Variants in KTN1 observed in about 807,000 individuals in gnomAD.
KTN1 encodes the protein kinectin 1.
In KTN1, 130 loss-of-function variants were observed where a neutral mutation model predicts 222.5. That is an observed-to-expected ratio of 0.58 (90% CI 0.51 to 0.68). The LOEUF is 0.68. Among genes scored for constraint, KTN1 ranks in the 30% least tolerant of loss-of-function variants. KTN1 has a pLI of 0.00. For synonymous variants in KTN1, 512 were observed against 496.3 expected, an observed-to-expected ratio of 1.03 and a Z score of -0.42; for missense variants, 1,508 against 1,500.4, an observed-to-expected ratio of 1.01 and a Z score of -0.08.
chr14:55,587,104 C>CTG (rs36024432), intron 1 of KTN1, among the ~76,000 whole-genome samples: 38,906 of 151,924 alleles, frequency 0.26, 5,101 homozygotes, highest in East Asian at 0.38. Flanking sequence ...GAGGCAGGGA[C>CTG]TGTCTTGTTC....
chr14:55,595,491 G>A lies in KTN1; in HGVS notation c.-31+15137G>A, dbSNP rs181690039. On this transcript the variant is annotated intron_variant, in intron 1 of 43. Coordinates refer to ENST00000395314, the MANE Select transcript of KTN1 (RefSeq NM_001079521.2). The stretch of plus-strand genomic sequence containing the variant: ...TAACACAGGATAATACAAATCTTAC[G>A]TTCTGAAACCTTTAATTGGTTTGCC... 3.0e-3 allele frequency among the ~76,000 whole-genome samples: 461 copies of A among 152,168 alleles called. 4 individuals are homozygous for A. Among genetic ancestry groups the A allele is most frequent in the Middle Eastern group, 0.014 (4 of 294 alleles).
At chr14:55,632,017 T>TC (rs2040591203) in intron 7 of KTN1, among the ~76,000 whole-genome samples, 1 of 152,200 alleles carries the variant, frequency 6.6e-6, no homozygotes, top group African/African-American at 2.4e-5. Flanking sequence ...CCCAGTGTTT[T>TC]CCTCTGAAAT....
At chr14:55,608,787 G>A (rs1465176471) in intron 1 of KTN1, among the ~76,000 whole-genome samples, 5 of 151,764 alleles carry the variant, frequency 3.3e-5, no homozygotes, top group South Asian at 2.1e-4. Context: ...GTACCACCAC[G>A]CCCGGCTGAT....
intron 1 of KTN1, among the ~76,000 whole-genome samples, chr14:55,597,601 C>T (rs971406625): frequency 2.0e-5 from 3 of 152,154 alleles, no homozygotes; most frequent in Non-Finnish European, 4.4e-5. Context: ...TACCTGTAAT[C>T]CCAGCACTTT....
intron 20 of KTN1, 101 bp downstream of exon 20, chr14:55,648,216 A>G (rs1366439525): frequency 1.9e-6 from 1 of 524,544 alleles, no homozygotes; most frequent in African/African-American, 2.1e-5. Context: ...CTTAAACTTA[A>G]TAGTACCTCT....
chr14:55,625,941 AT>A (rs1195626134), intron 5 of KTN1, among the ~76,000 whole-genome samples: 1 of 151,730 alleles, frequency 6.6e-6, no homozygotes, highest in Non-Finnish European at 1.5e-5. Context: ...TATTTACTGG[AT>A]TTTTTTCAGT....
intron 21 of KTN1, among the ~76,000 whole-genome samples, chr14:55,649,207 A>G (rs376959150): frequency 1.3e-5 from 2 of 152,350 alleles, no homozygotes; most frequent in East Asian, 1.9e-4. Flanking sequence ...AATTATAGGC[A>G]TGAGGCACTG....
chr14:55,662,749 G>A (rs138346568), intron 32 of KTN1, among the ~76,000 whole-genome samples: 1 of 152,146 alleles, frequency 6.6e-6, no homozygotes, highest in Non-Finnish European at 1.5e-5. Flanking sequence ...ACATTTTCTT[G>A]TACCCCTGAG....
At chr14:55,596,655 A>G (rs1442473746) in intron 1 of KTN1, among the ~76,000 whole-genome samples, 1 of 152,230 alleles carries the variant, frequency 6.6e-6, no homozygotes, top group East Asian at 1.9e-4. Flanking sequence ...CATAATTGAC[A>G]TACTTAAACC....
At chr14:55,607,459 TAGTG>T (rs1219769639) in intron 1 of KTN1, 1 of 152,160 alleles carries the variant, frequency 6.6e-6, no homozygotes, top group Admixed American at 6.6e-5. Context: ...ATGTAAAACT[TAGTG>T]AGTGTGGATA....
At chr14:55,631,515 C>T (rs1254817998) in intron 7 of KTN1, among the ~76,000 whole-genome samples, 2 of 151,874 alleles carry the variant, frequency 1.3e-5, no homozygotes, top group Admixed American at 6.6e-5. Flanking sequence ...ATTTCTATGG[C>T]TAGGTGCCGT....
intron 6 of KTN1, among the ~76,000 whole-genome samples, chr14:55,629,531 A>G (rs1034323038): frequency 4.7e-5 from 7 of 150,466 alleles, no homozygotes; most frequent in Non-Finnish European, 8.9e-5. Context: ...TCTTATCCCT[A>G]TTTTTTTCCC....
intron 7 of KTN1, among the ~76,000 whole-genome samples, chr14:55,632,889 A>G (rs2040696100): frequency 6.6e-6 from 1 of 152,194 alleles, no homozygotes. Context: ...TAATTGACAT[A>G]AGATCAGGAC....
At chr14:55,633,957 G>A (rs923459240) in intron 8 of KTN1, among the ~76,000 whole-genome samples, 4 of 152,090 alleles carry the variant, frequency 2.6e-5, no homozygotes, top group South Asian at 2.1e-4. Context: ...TGGCCAACGT[G>A]GTGAAACCCC....
chr14:55,630,076 G>T lies in KTN1; in HGVS notation c.1200G>T (p.Glu400Asp). 1 of 1,610,936 alleles carries T rather than the reference G, an allele frequency of 6.2e-7. No individual in the cohort carries two copies. Among genetic ancestry groups the T allele is most frequent in the Non-Finnish European group, 8.5e-7 (1 of 1,177,842 alleles). ...FQNKIHVSYQ[E>D]TQQMQMKFQQ... Reference sequence around the variant, plus strand: ...ACAAAATACATGTCAGTTATCAAGAGACTCAACAGATGCAGATGAAGGTAT... The same window carrying T: ...ACAAAATACATGTCAGTTATCAAGATACTCAACAGATGCAGATGAAGGTAT... Residue 400 changes from glutamate to aspartate, a missense_variant, in exon 7 of 44, where the codon GAG becomes GAT. Physicochemically the swap from Glu to Asp is conservative, Grantham distance 45 (BLOSUM62 2). Coordinates refer to ENST00000395314, the MANE Select transcript of KTN1 (RefSeq NM_001079521.2).
rs761303585 is a variant in KTN1 at position 55,650,615 on chromosome 14, T to G, written c.2543T>G (p.Val848Gly). The G allele has an allele frequency of 7.4e-6, 12 of 1,612,210 alleles. No homozygotes were observed. In the African/African-American group the frequency reaches 1.6e-4, roughly 22 times the overall value. ...GCTCTAAAAGAAGAAATAGGAAATG[T>G]CCAGCTTGAAAAGGCTCAACAGGTA... is the stretch of plus-strand genomic sequence containing the variant. ...IKALKEEIGN[V>G]QLEKAQQLSI... The change falls in exon 24 of 44, where the codon GTC becomes GGC. Residue 848 changes from valine (V) to glycine (G), a missense_variant. Val to Gly is a moderately radical substitution (Grantham distance 109). Coordinates refer to ENST00000395314, the MANE Select transcript of KTN1 (RefSeq NM_001079521.2).
intron 18 of KTN1, among the ~76,000 whole-genome samples, chr14:55,646,565 T>C (rs546992807): frequency 4.3e-4 from 58 of 134,810 alleles, no homozygotes; most frequent in African/African-American, 1.6e-3. Flanking sequence ...TCTCTCTCTT[T>C]CTCTTTCTCT....
rs564407717 is a variant in KTN1 at position 55,675,021 on chromosome 14, C to T, written c.3772-814C>T. 4.6e-5 allele frequency: 7 copies of T among 152,264 alleles called. No homozygotes were observed. The East Asian group carries it at 5.8e-4, about 13-fold the overall frequency. 9.4% of individuals were successfully genotyped at this position (152,264 alleles called of 1,614,324 possible). A position where few individuals can be genotyped will look rare whatever the true frequency, so the allele number is the denominator to read the frequency against. ...AAAATTTCCAAGTGGAATTTCCCTC[C>T]GCCCCACTGCCACCCCTTTTTAATT... On this transcript the variant is annotated intron_variant, in intron 40 of 43. Coordinates refer to ENST00000395314, the MANE Select transcript of KTN1 (RefSeq NM_001079521.2).
chr14:55,590,514 C>T (rs1245649058), intron 1 of KTN1, among the ~76,000 whole-genome samples: 2 of 152,102 alleles, frequency 1.3e-5, no homozygotes, highest in Non-Finnish European at 2.9e-5. Context: ...TCCCTTCCCA[C>T]ACTCTAACCA....
Sources: allele counts gnomAD v4.1 joint callset (sites outside exome capture counted in the v4.1 genomes callset), GRCh38; gene constraint gnomAD v4.1.1; transcripts MANE v1.5; gene names NCBI Gene and HGNC (gene_info 2026-07-23, HGNC 2026-07-21).